The following DNAI3 variants were observed in gnomAD, a reference collection of about 807,000 sequenced individuals.
DNAI3 encodes dynein axonemal intermediate chain 3.
In DNAI3, 83 loss-of-function variants were observed where a neutral mutation model predicts 115.5. The ratio of observed to expected loss-of-function variants is 0.72; its 90% CI spans 0.60 to 0.86. The LOEUF (loss-of-function observed/expected upper bound fraction) is 0.86, where lower values mean the gene tolerates loss of function less well. Among genes scored for constraint, DNAI3 ranks in the 40% least tolerant of loss-of-function variants. The pLI is 0.00. For missense variants in DNAI3, 1,004 were observed against 1,075.8 expected (o/e 0.93, Z 0.93); for synonymous variants, 320 against 347.0 (o/e 0.92, Z 0.86).
intron 10 of DNAI3, 49 bp from the exon 11 acceptor site, chr1:85,095,882 T>G: frequency 9.0e-5 from 134 of 1,489,056 alleles, no homozygotes; most frequent in Non-Finnish European, 1.1e-4. Flanking sequence ...CTCGCCATGA[T>G]CTTAATCTCT....
chr1:85,070,230 C>T (rs1285297356), intron 1 of DNAI3, among the ~76,000 whole-genome samples: 1 of 152,100 alleles, frequency 6.6e-6, no homozygotes, highest in Non-Finnish European at 1.5e-5. Flanking sequence ...CACTGCACTC[C>T]AGCCTGGGCA....
At chr1:85,104,340 T>G (rs556848392) in intron 13 of DNAI3, among the ~76,000 whole-genome samples, 184 bp from the exon 14 acceptor site, 1 of 152,322 alleles carries the variant, frequency 6.6e-6, no homozygotes, top group African/African-American at 2.4e-5. Flanking sequence ...CAGAATGGTC[T>G]CTAGCTCCTG....
Position 85,071,970 on chromosome 1 carries a change from C to T in DNAI3, c.29C>T (p.Ser10Leu), listed in dbSNP as rs1198427642. 1.2e-6 allele frequency: 2 copies of T among 1,611,312 alleles called. No homozygotes were observed. Among genetic ancestry groups the T allele is most frequent in the East Asian group, 4.5e-5 (2 of 44,800 alleles). MAPKQKKKTSRGKKRLKPVL... is the reference protein window; with the variant it reads MAPKQKKKTLRGKKRLKPVL... Reference sequence around the variant, plus strand: ...GCTCCAAAACAAAAGAAAAAGACATCACGTGGCAAAAAAAGACTAAAACCA... The same window carrying T: ...GCTCCAAAACAAAAGAAAAAGACATTACGTGGCAAAAAAAGACTAAAACCA... The change falls in exon 2 of 23, where the codon TCA (serine) becomes TTA (leucine). Residue 10 changes from serine to leucine, a missense_variant. Physicochemically the swap from Ser to Leu is moderately radical, Grantham distance 145. This residue lies in a region of DNAI3 where 550 missense variants were observed against 568.1 expected (regional missense o/e 0.97). Transcript: ENST00000294664.
chr1:85,088,003 G>A (rs748960929), intron 7 of DNAI3, among the ~76,000 whole-genome samples: 10 of 152,122 alleles, frequency 6.6e-5, no homozygotes, highest in African/African-American at 2.4e-4. Flanking sequence ...GCCAAAACAA[G>A]AGGCGGTAAA....
chr1:85,131,173 G>A (rs1571207234), intron 22 of DNAI3, among the ~76,000 whole-genome samples: 1 of 151,818 alleles, frequency 6.6e-6, no homozygotes, highest in African/African-American at 2.4e-5. Flanking sequence ...GGCACTGGGC[G>A]CCGTGGCTCA....
chr1:85,084,248 G>A (rs1395749414), intron 5 of DNAI3, among the ~76,000 whole-genome samples: 15 of 32,482 alleles, frequency 4.6e-4, no homozygotes, highest in African/African-American at 1.3e-3. Context: ...TATCAGCAGT[G>A]TGTATATATA....
chr1:85,095,738 A>T (rs1031992843), intron 10 of DNAI3, among the ~76,000 whole-genome samples, 193 bp from the exon 11 acceptor site: 4 of 152,226 alleles, frequency 2.6e-5, no homozygotes, highest in Non-Finnish European at 5.9e-5. Context: ...TGTCACTCGT[A>T]TGGCCAATGT....
chr1:85,070,871 TA>T (rs5775814), intron 1 of DNAI3, among the ~76,000 whole-genome samples: 122,237 of 152,134 alleles, frequency 0.8, 50,335 homozygotes, highest in South Asian at 0.9. Flanking sequence ...TTTTATCATT[TA>T]AAAAAAATTC....
intron 8 of DNAI3, 45 bp downstream of exon 8, chr1:85,090,277 A>C: frequency 9.2e-7 from 1 of 1,081,962 alleles, no homozygotes; most frequent in Non-Finnish European, 1.3e-6. Flanking sequence ...CATAAAATGT[A>C]TATGTTTACA....
chr1:85,133,032 T>G lies in DNAI3; in HGVS notation c.*34T>G. 1 of 1,588,840 alleles carries G rather than the reference T, an allele frequency of 6.3e-7. No individual in the cohort carries two copies. Among genetic ancestry groups the G allele is most frequent in the South Asian group, 1.2e-5 (1 of 86,494 alleles). On this transcript the variant is annotated 3_prime_UTR_variant, in exon 23 of 23. Transcript: ENST00000294664. ...CCTGAAGGGGTGTTTTGGGGACTTC[T>G]TCCCTCTATTTATTTTTATGTCAGG...
intron 1 of DNAI3, among the ~76,000 whole-genome samples, chr1:85,065,411 G>A (rs1654068969): frequency 6.6e-6 from 1 of 152,174 alleles, no homozygotes; most frequent in Non-Finnish European, 1.5e-5. Flanking sequence ...TGTATATTCA[G>A]GGAGATAAAA....
At chr1:85,081,806 A>G (rs555377891) in intron 4 of DNAI3, among the ~76,000 whole-genome samples, 2 of 152,150 alleles carry the variant, frequency 1.3e-5, no homozygotes, top group South Asian at 2.1e-4. Flanking sequence ...GGCATGCCCA[A>G]CTGATTTTTG....
At position 85,097,569 on chromosome 1, in the gene DNAI3, A is replaced by T. The variant is rs556050888; in HGVS notation, c.1264A>T (p.Ile422Phe). ...IIAGGCINGQ[I>F]VMWDITAHAD... ...ATGATAACATTTATTTCCATTTTAG[A>T]TTGTCATGTGGGATATCACCGCACA... Residue 422 changes from isoleucine (I) to phenylalanine (F), a missense_variant and splice_region_variant, in exon 12 of 23, where the codon ATT becomes TTT. By Grantham distance (21) the Ile-to-Phe change is conservative. This residue lies in a region of DNAI3 where 550 missense variants were observed against 568.1 expected (regional missense o/e 0.97). Transcript: ENST00000294664. The T allele has an allele frequency of 2.5e-6, 4 of 1,599,940 alleles. No homozygotes were observed. The highest frequency in any genetic ancestry group is 1.7e-4 in the Middle Eastern group (1 of 6,034).
intron 22 of DNAI3, among the ~76,000 whole-genome samples, chr1:85,132,509 C>A (rs1282200369): frequency 6.6e-6 from 1 of 152,206 alleles, no homozygotes; most frequent in Non-Finnish European, 1.5e-5. Flanking sequence ...CTATGCCATC[C>A]ATATGGACTC....
chr1:85,097,978 C>T (rs559647283), intron 12 of DNAI3, among the ~76,000 whole-genome samples: 30 of 152,312 alleles, frequency 2.0e-4, no homozygotes, highest in African/African-American at 4.6e-4. Context: ...GACAGAAGAG[C>T]GGATACCCAG....
intron 14 of DNAI3, among the ~76,000 whole-genome samples, chr1:85,106,946 G>A (rs79436220): frequency 7.0e-4 from 106 of 152,212 alleles, no homozygotes; most frequent in African/African-American, 2.5e-3. Context: ...ACATAGTCAC[G>A]TATCTTCATG....
intron 5 of DNAI3, among the ~76,000 whole-genome samples, chr1:85,083,703 ATTTAC>A (rs1019534896): frequency 2.6e-5 from 4 of 152,036 alleles, no homozygotes; most frequent in African/African-American, 9.7e-5. Context: ...TTTTTATTAT[ATTTAC>A]TTTAAAACTT....
At chr1:85,090,000 A>G (rs1654924518) in intron 7 of DNAI3, 116 bp from the exon 8 acceptor site, 1 of 402,912 alleles carries the variant, frequency 2.5e-6, no homozygotes, top group South Asian at 1.1e-4. Context: ...TATAATTTAA[A>G]TATAAAATAA....
intron 20 of DNAI3, among the ~76,000 whole-genome samples, chr1:85,128,435 C>T (rs1217312472): frequency 6.6e-6 from 1 of 152,204 alleles, no homozygotes; most frequent in African/African-American, 2.4e-5. Flanking sequence ...AGCCAGGAGC[C>T]ACATTCCTTA....
Sources: allele counts gnomAD v4.1 joint callset (sites outside exome capture counted in the v4.1 genomes callset), GRCh38; gene constraint gnomAD v4.1.1; regional missense constraint gnomAD v4.1.1; transcripts MANE v1.5; gene names NCBI Gene and HGNC (gene_info 2026-07-23, HGNC 2026-07-21).